POSTN: variants seen among roughly 807,000 people sequenced by gnomAD.
The protein encoded by POSTN is osteoblast specific factor 2 (fasciclin I-like).
Under a neutral mutation model 104.5 loss-of-function variants are expected in POSTN, and 71 were observed. That is an observed-to-expected ratio of 0.68 (90% CI 0.56 to 0.83). The LOEUF (loss-of-function observed/expected upper bound fraction) is 0.83. Among genes scored for constraint, POSTN ranks in the 40% least tolerant of loss-of-function variants. The probability of loss-of-function intolerance (pLI) is 0.00; values close to 1 mark genes in which losing one functional copy is unlikely to be tolerated. For synonymous variants in POSTN, 355 were observed against 340.7 expected (o/e 1.04, Z -0.46); for missense variants, 949 against 1,006.8 (o/e 0.94, Z 0.78).
At chr13:37,587,245 G>T (rs1950774995) in intron 5 of POSTN, among the ~76,000 whole-genome samples, 3 of 152,016 alleles carry the variant, frequency 2.0e-5, no homozygotes, top group Admixed American at 2.0e-4. Flanking sequence ...TTTAATGTGG[G>T]TCAATGAATT....
Position 37,563,290 on chromosome 13 carries a change from T to C in POSTN, c.*43A>G. The C allele has an allele frequency of 1.4e-6, 2 of 1,436,924 alleles. No homozygotes were observed. The highest frequency in any genetic ancestry group is 1.9e-6 in the Non-Finnish European group (2 of 1,042,890). 89.0% of individuals were successfully genotyped at this position (1,436,924 alleles called of 1,614,324 possible). On this transcript the variant is annotated 3_prime_UTR_variant, in exon 23 of 23. Transcript: ENST00000379747. ...TCACAATTTTCTAAGGTCAGGTTAT[T>C]GACTTAGGGTTGTATAAACATTTTT... is the stretch of plus-strand genomic sequence containing the variant.
intron 2 of POSTN, among the ~76,000 whole-genome samples, chr13:37,596,578 A>G (rs1384904105): frequency 6.6e-6 from 1 of 152,224 alleles, no homozygotes; most frequent in Non-Finnish European, 1.5e-5. Flanking sequence ...GATATTAACT[A>G]TAATGATGAG....
chr13:37,574,844 C>T (rs548740099), intron 16 of POSTN, among the ~76,000 whole-genome samples, 192 bp from the exon 17 acceptor site: 3 of 151,590 alleles, frequency 2.0e-5, no homozygotes, highest in Admixed American at 6.6e-5. Context: ...AGGTGTTGAA[C>T]TCTGAAGTCT....
intron 18 of POSTN, 51 bp downstream of exon 18, chr13:37,571,318 C>A: frequency 8.3e-7 from 1 of 1,198,548 alleles, no homozygotes; most frequent in South Asian, 1.4e-5. Flanking sequence ...AACACTATTT[C>A]AAAATAATCA....
rs555443526 is a variant in POSTN at position 37,577,506 on chromosome 13, G to A, written c.2008+247C>T. Among the ~76,000 whole-genome samples, 11 of 152,128 alleles carry A rather than the reference G, an allele frequency of 7.2e-5. No homozygotes were observed. The South Asian group carries it at 1.0e-3, about 14-fold the overall frequency. The stretch of plus-strand genomic sequence containing the variant: ...TTTTATTTTCCTGGCTCTTTGCCAC[G>A]CTAATATTATATTTTGCTGTCTTTC... On this transcript the variant is annotated intron_variant, in intron 16 of 22. Coordinates refer to ENST00000379747, the MANE Select transcript of POSTN (RefSeq NM_006475.3).
intron 10 of POSTN, among the ~76,000 whole-genome samples, chr13:37,581,341 C>T (rs373318289): frequency 6.6e-5 from 10 of 152,126 alleles, no homozygotes; most frequent in East Asian, 1.9e-4. Flanking sequence ...TGTAGCTGTA[C>T]GTGTTATCTG....
In POSTN at chr13:37,582,528, C is replaced by A. The variant is rs1950624681; in HGVS notation, c.1244-14G>T. ...TGAGAGTATCATCTGTAAATAAATTCATTAAGAAAGAGCATTATTTTATTT... is the reference window on the plus strand; with the variant it reads ...TGAGAGTATCATCTGTAAATAAATTAATTAAGAAAGAGCATTATTTTATTT... On this transcript the variant is annotated splice_polypyrimidine_tract_variant and intron_variant, in intron 9 of 22. Transcript: ENST00000379747. The A allele has an allele frequency of 6.3e-7, 1 of 1,579,934 alleles. No homozygotes were observed. Among genetic ancestry groups the A allele is most frequent in the African/African-American group, 1.4e-5 (1 of 72,952 alleles).
chr13:37,582,353 G>A lies in POSTN; in HGVS notation c.1392+13C>T. On this transcript the variant is annotated intron_variant, in intron 10 of 22. Transcript: ENST00000379747. ...CATTTGACAGACTTTTTATTTTGTT[G>A]TGATTCACTTACTGTACGATATACG... 1 of 1,586,520 alleles carries A rather than the reference G, an allele frequency of 6.3e-7. No individual in the cohort carries two copies. The highest frequency in any genetic ancestry group is 8.5e-7 in the Non-Finnish European group (1 of 1,171,830).
chr13:37,583,443 G>GTTT (rs5802885), intron 9 of POSTN, among the ~76,000 whole-genome samples: 40 of 127,258 alleles, frequency 3.1e-4, no homozygotes, highest in East Asian at 4.7e-4. Context: ...TTTAAGTTTC[G>GTTT]TTTTTTTTTT....
At chr13:37,576,229 T>C (rs10400597) in intron 16 of POSTN, among the ~76,000 whole-genome samples, 41,564 of 152,004 alleles carry the variant, frequency 0.27, 6,390 homozygotes, top group Non-Finnish European at 0.35. Flanking sequence ...AGCAAAAAAT[T>C]ATAGGAATTT....
At chr13:37,579,747 C>T (rs1368071362) in intron 12 of POSTN, 114 bp downstream of exon 12, 1 of 1,190,936 alleles carries the variant, frequency 8.4e-7, no homozygotes, top group Non-Finnish European at 1.2e-6. Context: ...CTAAAGCTAA[C>T]CATGAATACC....
chr13:37,596,601 C>T (rs951647802), intron 2 of POSTN, among the ~76,000 whole-genome samples: 1 of 152,158 alleles, frequency 6.6e-6, no homozygotes, highest in African/African-American at 2.4e-5. Context: ...TCCGTTATCA[C>T]CTTGTGGACC....
In POSTN at chr13:37,562,724, A is replaced by G. The variant is rs1395208998; in HGVS notation, c.*609T>C. ...TTGAAGTAATTCTCTTTATATCTGA[A>G]AAATGGTTTTATTGAAACGTTTGAG... On this transcript the variant is annotated 3_prime_UTR_variant, in exon 23 of 23. Transcript: ENST00000379747. 1 of 152,178 alleles carries G rather than the reference A, an allele frequency of 6.6e-6. No individual in the cohort carries two copies. The highest frequency in any genetic ancestry group is 6.5e-5 in the Admixed American group (1 of 15,270). The allele number at this position is 152,178 out of a possible 1,614,324, so 9.4% of individuals were successfully genotyped here.
chr13:37,577,787 A>T lies in POSTN; in HGVS notation c.1974T>A (p.Gly658=), dbSNP rs1169097417. The T allele has an allele frequency of 9.9e-6, 16 of 1,613,538 alleles. No homozygotes were observed. The highest frequency in any genetic ancestry group is 1.3e-5 in the African/African-American group (1 of 74,928). ...TCACGGGGATTTCTTTGAAGGTGCT[A>T]CCACGAACAAACTGAAAATAAATGT... ...IKYIQIKFVR[G]STFKEIPVTV... The change falls in exon 16 of 23, where the codon GGT becomes GGA. Residue 658 remains glycine (G), a synonymous_variant. Transcript: ENST00000379747.
chr13:37,577,914 T>C, intron 15 of POSTN, 116 bp from the exon 16 acceptor site: 1 of 1,485,108 alleles, frequency 6.7e-7, no homozygotes, highest in Non-Finnish European at 9.0e-7. Context: ...TTACACTTAA[T>C]AGAAGTGAAG....
chr13:37,580,252 A>T (rs1270156615), intron 11 of POSTN, among the ~76,000 whole-genome samples: 1 of 152,198 alleles, frequency 6.6e-6, no homozygotes, highest in Non-Finnish European at 1.5e-5. Flanking sequence ...AAAAAGAAGC[A>T]TTTTTATCAT....
chr13:37,563,229 G>T lies in POSTN; in HGVS notation c.*104C>A. The T allele has an allele frequency of 1.6e-6, 1 of 620,228 alleles. No homozygotes were observed. The highest frequency in any genetic ancestry group is 2.8e-6 in the Non-Finnish European group (1 of 358,344). 38.4% of individuals were successfully genotyped at this position (620,228 alleles called of 1,614,324 possible). Reference sequence around the variant, plus strand: ...AGAATTATTTGATGATTGCTTCTTTGTGCTGATGTTTCAGTTCCTGAAGTC... The same window carrying T: ...AGAATTATTTGATGATTGCTTCTTTTTGCTGATGTTTCAGTTCCTGAAGTC... On this transcript the variant is annotated 3_prime_UTR_variant, in exon 23 of 23. Transcript: ENST00000379747.
intron 8 of POSTN, 106 bp downstream of exon 8, chr13:37,584,610 C>T: frequency 1.1e-6 from 1 of 934,540 alleles, no homozygotes. Flanking sequence ...GCATGCCATT[C>T]TTTATACTGC....
intron 16 of POSTN, 129 bp from the exon 17 acceptor site, chr13:37,574,781 C>T: frequency 8.5e-7 from 1 of 1,177,128 alleles, no homozygotes; most frequent in Non-Finnish European, 1.1e-6. Context: ...TATGTTCAGG[C>T]AGTCAGATAC....
Sources: gnomAD v4.1 joint callset for allele counts (sites outside exome capture counted in the v4.1 genomes callset) on GRCh38, gnomAD v4.1.1 for gene constraint, MANE v1.5 for transcripts, NCBI Gene and HGNC (gene_info 2026-07-23, HGNC 2026-07-21) for gene names.